The following DNM3 variants were observed in gnomAD, a reference collection of about 807,000 sequenced individuals.
The protein encoded by DNM3 is dynamin-3.
DNM3 carries 47 observed loss-of-function variants against 101.6 expected under a neutral mutation model. That is an observed-to-expected ratio of 0.46 (90% CI 0.37 to 0.59). The LOEUF is 0.59. Ranked by LOEUF, DNM3 falls within the 20% of genes least tolerant of loss-of-function variation. DNM3 has a pLI of 0.00. For synonymous variants in DNM3, 385 were observed against 387.9 expected, an observed-to-expected ratio of 0.99 and a Z score of 0.09; for missense variants, 849 against 1,085.7, an observed-to-expected ratio of 0.78 and a Z score of 3.06.
At chr1:172,276,332 C>T (rs913465808) in intron 15 of DNM3, among the ~76,000 whole-genome samples, 2 of 151,982 alleles carry the variant, frequency 1.3e-5, no homozygotes, top group Non-Finnish European at 2.9e-5. Flanking sequence ...TAGGTGACCC[C>T]TATAGTATAT....
At chr1:172,320,415 T>C (rs1367582065) in intron 16 of DNM3, among the ~76,000 whole-genome samples, 2 of 142,684 alleles carry the variant, frequency 1.4e-5, no homozygotes, top group African/African-American at 5.1e-5. Context: ...AAAAAGAAAA[T>C]GTGGCACATA....
rs905452488 is a variant in DNM3 at position 172,318,290 on chromosome 1, G to A, written c.1882-5039G>A. ...CCCACAGCCAATATCATACTGAATGGGCAAAAACTGGAAGCATTCCCTTTG... is the reference window on the plus strand; with the variant it reads ...CCCACAGCCAATATCATACTGAATGAGCAAAAACTGGAAGCATTCCCTTTG... On this transcript the variant is annotated intron_variant, in intron 16 of 20. Coordinates refer to ENST00000627582, the MANE Select transcript of DNM3 (RefSeq NM_015569.5). Among the ~76,000 whole-genome samples the A allele has an allele frequency of 1.3e-4, 20 of 151,772 alleles. 2 individuals are homozygous for A. Among genetic ancestry groups the A allele is most frequent in the African/African-American group, 4.8e-4 (20 of 41,502 alleles).
chr1:171,921,451 T>G (rs759298850), intron 1 of DNM3, among the ~76,000 whole-genome samples: 6 of 152,196 alleles, frequency 3.9e-5, no homozygotes, highest in Non-Finnish European at 7.4e-5. Context: ...CAAAATTCAT[T>G]GATAATACAC....
chr1:172,324,289 G>A (rs1573472505), intron 17 of DNM3, among the ~76,000 whole-genome samples: 1 of 152,108 alleles, frequency 6.6e-6, no homozygotes, highest in East Asian at 1.9e-4. Flanking sequence ...GAGTTGGCCG[G>A]CATATTCAAA....
intron 1 of DNM3, among the ~76,000 whole-genome samples, chr1:171,857,777 T>C (rs1431571820): frequency 6.6e-6 from 1 of 152,156 alleles, no homozygotes; most frequent in Non-Finnish European, 1.5e-5. Context: ...CACAAATTCA[T>C]GTTGAAGCCC....
chr1:172,134,313 T>C (rs1397451776), intron 14 of DNM3, among the ~76,000 whole-genome samples: 1 of 152,154 alleles, frequency 6.6e-6, no homozygotes. Flanking sequence ...CTGGCCTTCG[T>C]GAATTTAAGC....
intron 1 of DNM3, among the ~76,000 whole-genome samples, chr1:171,886,937 A>G (rs1053022634): frequency 6.6e-6 from 1 of 152,216 alleles, no homozygotes; most frequent in African/African-American, 2.4e-5. Context: ...TCCTTAGAAG[A>G]AAGTTATTTC....
Position 171,922,163 on chromosome 1 carries a change from G to A in DNM3, c.235+342G>A, listed in dbSNP as rs2040231097. Among the ~76,000 whole-genome samples, 2 of 151,144 alleles carry A rather than the reference G, an allele frequency of 1.3e-5. 1 individual carries two copies. The highest frequency in any genetic ancestry group is 4.2e-4 in the South Asian group (2 of 4,752). ...TGTGTGTGTGTGTGTGTGCGTATGT[G>A]TGCATGCACATGCACTTGGGGATTA... On this transcript the variant is annotated intron_variant, in intron 2 of 20. Transcript: ENST00000627582.
At chr1:171,957,199 CTTTT>C (rs377678762) in intron 2 of DNM3, among the ~76,000 whole-genome samples, 1 of 138,334 alleles carries the variant, frequency 7.2e-6, no homozygotes. Flanking sequence ...TTCTTTCTTT[CTTTT>C]TTTTTTTTTT....
chr1:171,951,140 A>G (rs1455460928), intron 2 of DNM3, among the ~76,000 whole-genome samples: 1 of 152,194 alleles, frequency 6.6e-6, no homozygotes, highest in Non-Finnish European at 1.5e-5. Flanking sequence ...TTTGCCTCAT[A>G]TTTGTTCAGT....
intron 20 of DNM3, among the ~76,000 whole-genome samples, chr1:172,390,133 T>TC (rs1219408642): frequency 6.6e-6 from 1 of 152,216 alleles, no homozygotes; most frequent in Admixed American, 6.5e-5. Flanking sequence ...CAATTTTTTT[T>TC]CTCTAAATTC....
At chr1:172,258,610 T>C (rs949786516) in intron 15 of DNM3, among the ~76,000 whole-genome samples, 1 of 152,070 alleles carries the variant, frequency 6.6e-6, no homozygotes, top group Non-Finnish European at 1.5e-5. Flanking sequence ...TAATATCTTT[T>C]TTATTTCTGA....
At chr1:172,076,527 G>A (rs2052660928) in intron 11 of DNM3, among the ~76,000 whole-genome samples, 2 of 152,094 alleles carry the variant, frequency 1.3e-5, no homozygotes, top group Admixed American at 6.6e-5. Flanking sequence ...TAGCATGAAG[G>A]GATGTTGAAT....
At chr1:171,965,550 CAA>C (rs761095968) in intron 2 of DNM3, among the ~76,000 whole-genome samples, 27 of 114,854 alleles carry the variant, frequency 2.4e-4, no homozygotes, top group Admixed American at 2.7e-4. Context: ...GACCCTGTCT[CAA>C]AAAAAAAAAA....
chr1:172,229,402 A>G (rs926260034), intron 14 of DNM3, among the ~76,000 whole-genome samples: 2 of 152,204 alleles, frequency 1.3e-5, no homozygotes, highest in African/African-American at 2.4e-5. Context: ...TCAAATGGCA[A>G]TTAAATAACT....
intron 3 of DNM3, 94 bp downstream of exon 3, chr1:171,987,899 C>A: frequency 7.9e-7 from 1 of 1,272,386 alleles, no homozygotes; most frequent in Non-Finnish European, 1.0e-6. Context: ...ACAAATAGTG[C>A]TGGGTTTCTA....
chr1:171,864,229 T>C (rs139964391), intron 1 of DNM3: 7 of 152,332 alleles, frequency 4.6e-5, no homozygotes, highest in African/African-American at 1.7e-4. Flanking sequence ...AAATGCTGCA[T>C]TTTCTTGGCA....
At chr1:172,163,974 C>A (rs950363604) in intron 14 of DNM3, among the ~76,000 whole-genome samples, 1 of 151,700 alleles carries the variant, frequency 6.6e-6, no homozygotes, top group Non-Finnish European at 1.5e-5. Context: ...CACACACACA[C>A]ACACACACAC....
rs749730873 is a variant in DNM3, at chr1:172,093,202, G to A, written c.1545+327G>A. 8.5e-5 allele frequency among the ~76,000 whole-genome samples: 13 copies of A among 152,116 alleles called. 1 individual carries two copies. The highest frequency in any genetic ancestry group is 2.1e-4 in the South Asian group (1 of 4,816). On this transcript the variant is annotated intron_variant, in intron 13 of 20. Transcript: ENST00000627582. ...CATTGAGTTTGTGAGTCAGTTGAAG[G>A]TTAAAATGTGGTGAGTAGTTGCATG...
Sources: gnomAD v4.1 joint callset for allele counts (sites outside exome capture counted in the v4.1 genomes callset) on GRCh38, gnomAD v4.1.1 for gene constraint, MANE v1.5 for transcripts, NCBI Gene and HGNC (gene_info 2026-07-23, HGNC 2026-07-21) for gene names.